Variants in RGPD2 observed in about 807,000 individuals in gnomAD.
RGPD2 encodes the protein RANBP2-like and GRIP domain-containing protein 2.
Under a neutral mutation model 36.0 loss-of-function variants are expected in RGPD2, and 2 were observed. The ratio of observed to expected loss-of-function variants is 0.06; its 90% CI spans 0.02 to 0.17. The LOEUF is 0.17. RGPD2 is among the 10% of genes least tolerant of loss of function. The pLI is 1.00. For missense variants in RGPD2, 40 were observed against 464.3 expected (o/e 0.09, Z 8.40); for synonymous variants, 19 against 163.8 (o/e 0.12, Z 6.75).
At chr2:87,781,651 AG>A (rs1427025912) in intron 20 of RGPD2, among the ~76,000 whole-genome samples, 5 of 150,970 alleles carry the variant, frequency 3.3e-5, no homozygotes, top group Admixed American at 2.6e-4. Context: ...CAGTAGAAAC[AG>A]GGTTTCACCA....
the RGPD2 span, among the ~76,000 whole-genome samples, chr2:87,871,733 T>C: frequency 2.0e-5 from 3 of 151,246 alleles, no homozygotes; most frequent in Non-Finnish European, 4.4e-5. Flanking sequence ...GGCGTGGTGG[T>C]GCATGCCTGT....
At chr2:87,905,771 TA>T in the RGPD2 span, among the ~76,000 whole-genome samples, 1 of 120,282 alleles carries the variant, frequency 8.3e-6, no homozygotes, top group East Asian at 2.4e-4. Context: ...ACCTCTTCTA[TA>T]AAAAAGTGTT....
At chr2:87,962,271 T>TGTAAACATTAC in the RGPD2 span, among the ~76,000 whole-genome samples, 2 of 152,200 alleles carry the variant, frequency 1.3e-5, no homozygotes, top group African/African-American at 4.8e-5. Context: ...CTCACATTTG[T>TGTAAACATTAC]GTAAACATTA....
At chr2:87,849,003 T>A in the RGPD2 span, among the ~76,000 whole-genome samples, 1 of 151,762 alleles carries the variant, frequency 6.6e-6, no homozygotes, top group Non-Finnish European at 1.5e-5. Context: ...TTACAAATTA[T>A]TTTTTCAGAA....
the RGPD2 span, among the ~76,000 whole-genome samples, chr2:87,984,100 A>C: frequency 7.0e-6 from 1 of 143,008 alleles, no homozygotes; most frequent in Non-Finnish European, 1.5e-5. Context: ...TGAATAAAAA[A>C]ATAAGAACTA....
chr2:87,885,451 T>A, the RGPD2 span, among the ~76,000 whole-genome samples: 1 of 151,980 alleles, frequency 6.6e-6, no homozygotes, highest in African/African-American at 2.4e-5. Flanking sequence ...AAAATAAGTA[T>A]GCCCATTCTC....
chr2:87,824,922 C>T (rs1686634102), intron 1 of RGPD2: 2 of 361,202 alleles, frequency 5.5e-6, no homozygotes, highest in East Asian at 8.0e-5. Flanking sequence ...TTAAGAGAAC[C>T]AACACCTCTT....
At chr2:87,881,318 T>A in the RGPD2 span, among the ~76,000 whole-genome samples, 1 of 152,256 alleles carries the variant, frequency 6.6e-6, no homozygotes, top group African/African-American at 2.4e-5. Context: ...AAGCAGTACC[T>A]CAGTGGGTAC....
At chr2:87,953,015 T>C in the RGPD2 span, among the ~76,000 whole-genome samples, 3 of 151,506 alleles carry the variant, frequency 2.0e-5, no homozygotes, top group Non-Finnish European at 4.4e-5. Flanking sequence ...TAAGCAACCA[T>C]TACTGATGGC....
At chr2:87,845,538 A>AG in the RGPD2 span, among the ~76,000 whole-genome samples, 6 of 148,664 alleles carry the variant, frequency 4.0e-5, no homozygotes, top group Admixed American at 2.0e-4. Flanking sequence ...TTGATTTGCT[A>AG]GGGGGGGTTT....
chr2:87,813,540 G>A (rs1203490633), intron 4 of RGPD2, among the ~76,000 whole-genome samples: 2 of 119,178 alleles, frequency 1.7e-5, no homozygotes, highest in South Asian at 3.2e-4. Flanking sequence ...ACTTAAACTC[G>A]TCTTTCCCCA....
chr2:87,928,965 A>G, the RGPD2 span, among the ~76,000 whole-genome samples: 1 of 151,786 alleles, frequency 6.6e-6, no homozygotes, highest in African/African-American at 2.4e-5. Flanking sequence ...TGCTAGACGA[A>G]TAGTTTGCAG....
upstream of RGPD2, among the ~76,000 whole-genome samples, chr2:87,830,298 C>T (rs1220591940): frequency 2.0e-5 from 3 of 152,198 alleles, no homozygotes; most frequent in Middle Eastern, 3.2e-3. Context: ...TCTGCCTGGA[C>T]ATCCAGGCAT....
chr2:87,886,312 A>G, the RGPD2 span, among the ~76,000 whole-genome samples: 4 of 151,786 alleles, frequency 2.6e-5, no homozygotes, highest in Non-Finnish European at 5.9e-5. Flanking sequence ...TTCCTTGTCC[A>G]TGCTACAAAA....
At chr2:87,880,134 T>C in the RGPD2 span, among the ~76,000 whole-genome samples, 2 of 136,296 alleles carry the variant, frequency 1.5e-5, no homozygotes, top group Non-Finnish European at 3.1e-5. Flanking sequence ...TCTATTCAAG[T>C]TCTTTACCAA....
chr2:87,769,600 C>T (rs1245241876), intron 22 of RGPD2, among the ~76,000 whole-genome samples: 11 of 151,580 alleles, frequency 7.3e-5, no homozygotes, highest in Non-Finnish European at 1.2e-4. Flanking sequence ...ACGTTAGCAA[C>T]GTCTACATTA....
chr2:87,988,937 A>G, the RGPD2 span, among the ~76,000 whole-genome samples: 1,053 of 152,086 alleles, frequency 6.9e-3, 3 homozygotes, highest in Non-Finnish European at 0.011. Context: ...CCAGCCTTAG[A>G]GCACACATAG....
the RGPD2 span, among the ~76,000 whole-genome samples, chr2:87,897,059 A>G: frequency 6.6e-6 from 1 of 152,294 alleles, no homozygotes; most frequent in Admixed American, 6.5e-5. Context: ...CAGTTAAAGT[A>G]GCTTGTTACC....
the RGPD2 span, among the ~76,000 whole-genome samples, chr2:87,953,577 G>T: frequency 3.8e-5 from 1 of 26,058 alleles, no homozygotes; most frequent in Non-Finnish European, 1.1e-4. Flanking sequence ...TTATCTATTT[G>T]TCTAGTATCA....
Sources: gnomAD v4.1 joint callset for allele counts (sites outside exome capture counted in the v4.1 genomes callset) on GRCh38, gnomAD v4.1.1 for gene constraint, MANE v1.5 for transcripts, NCBI Gene and HGNC (gene_info 2026-07-23, HGNC 2026-07-21) for gene names.